The following CPM variants were observed in gnomAD, a reference collection of about 807,000 sequenced individuals.
CPM encodes the protein renal carboxypeptidase.
In CPM, 35 loss-of-function variants were observed where a neutral mutation model predicts 46.4. The observed-to-expected ratio is 0.75, with a 90% CI of 0.58 to 1.00. The LOEUF is 1.00. Among genes scored for constraint, CPM ranks in the 50% least tolerant of loss-of-function variants. The pLI, the probability that CPM is intolerant of heterozygous loss-of-function variation, is 0.00. For missense variants in CPM, 422 were observed against 530.4 expected, an observed-to-expected ratio of 0.80 and a Z score of 2.01; for synonymous variants, 195 against 195.3, an observed-to-expected ratio of 1.00 and a Z score of 0.01.
In CPM at chr12:68,885,879, C is replaced by G. The variant is rs757650398; in HGVS notation, c.171G>C (p.Leu57=). The change falls in exon 3 of 9, where the codon CTG becomes CTC. Residue 57 remains leucine, a synonymous_variant. Transcript: ENST00000551568. The part of the protein sequence containing the change: ...SIGKSVKGRN[L]WVLVVGRFPK... ...GAAACCGCCCCACAACAAGAACCCA[C>G]AGGTTTCTACCTTTACAGGAAAAGA... 2.7e-5 allele frequency: 43 copies of G among 1,613,684 alleles called. No individual in the cohort carries two copies. The highest frequency in any genetic ancestry group is 1.6e-4 in the Middle Eastern group (1 of 6,084).
chr12:68,890,084 G>A (rs1167505111), intron 2 of CPM, among the ~76,000 whole-genome samples: 1 of 152,138 alleles, frequency 6.6e-6, no homozygotes, highest in Non-Finnish European at 1.5e-5. Context: ...CGTGTTTTCT[G>A]TTGGCGCGCT....
chr12:68,904,067 T>C (rs1887235748), intron 2 of CPM, among the ~76,000 whole-genome samples: 1 of 152,060 alleles, frequency 6.6e-6, no homozygotes, highest in Non-Finnish European at 1.5e-5. Context: ...TTTGTAGAGA[T>C]GGGGGTCTCA....
chr12:68,871,079 T>C (rs140576594), intron 4 of CPM, among the ~76,000 whole-genome samples: 1 of 152,326 alleles, frequency 6.6e-6, no homozygotes, highest in African/African-American at 2.4e-5. Flanking sequence ...TATGAATGTA[T>C]ATTAGACATC....
intron 8 of CPM, among the ~76,000 whole-genome samples, chr12:68,858,150 A>G (rs12300655): frequency 0.079 from 12,009 of 152,282 alleles, 1,566 homozygotes; most frequent in African/African-American, 0.27. Flanking sequence ...TCACTACAGA[A>G]GAGATGACTA....
At chr12:68,934,261 A>C (rs908000430), upstream of CPM, among the ~76,000 whole-genome samples, 16 of 152,202 alleles carry the variant, frequency 1.1e-4, no homozygotes, top group Non-Finnish European at 1.5e-5. Context: ...TTACAGACTA[A>C]AAATACGGAT....
intron 2 of CPM, among the ~76,000 whole-genome samples, chr12:68,907,879 A>G (rs1006957076): frequency 6.6e-6 from 1 of 152,030 alleles, no homozygotes; most frequent in African/African-American, 2.4e-5. Flanking sequence ...CCCAAGCTGG[A>G]GTGCAGTGGT....
At chr12:68,887,413 T>A (rs1886480307) in intron 2 of CPM, among the ~76,000 whole-genome samples, 1 of 152,192 alleles carries the variant, frequency 6.6e-6, no homozygotes, top group Non-Finnish European at 1.5e-5. Context: ...GCAGTTGCCA[T>A]CAGGGACTCA....
chr12:68,857,600 G>T (rs948666760), intron 8 of CPM, among the ~76,000 whole-genome samples: 4 of 151,986 alleles, frequency 2.6e-5, no homozygotes, highest in Non-Finnish European at 5.9e-5. Context: ...TGTCTACTGA[G>T]AAATGCTTTT....
At chr12:68,893,272 T>C (rs2136266370) in intron 2 of CPM, among the ~76,000 whole-genome samples, 1 of 152,164 alleles carries the variant, frequency 6.6e-6, no homozygotes, top group East Asian at 1.9e-4. Context: ...GCAAACCACC[T>C]GGCATGCACT....
intron 1 of CPM, among the ~76,000 whole-genome samples, chr12:68,946,458 C>A (rs962574380): frequency 6.6e-6 from 1 of 152,108 alleles, no homozygotes; most frequent in African/African-American, 2.4e-5. Flanking sequence ...TTTGTGCCTG[C>A]AGATACCTGT....
intron 1 of CPM, among the ~76,000 whole-genome samples, chr12:68,959,075 A>C (rs1220736843): frequency 6.6e-6 from 1 of 152,104 alleles, no homozygotes; most frequent in East Asian, 1.9e-4. Context: ...TCTCTGTCTT[A>C]TCTTCGTCAT....
At chr12:68,896,011 C>T (rs1424149128) in intron 2 of CPM, among the ~76,000 whole-genome samples, 3 of 152,208 alleles carry the variant, frequency 2.0e-5, no homozygotes, top group Admixed American at 2.0e-4. Context: ...ATCCCCTCAG[C>T]ATGCACACCA....
In CPM at chr12:68,875,276, G is replaced by A. The variant is rs181604494; in HGVS notation, c.259-3320C>T. On this transcript the variant is annotated intron_variant, in intron 3 of 8. Transcript: ENST00000551568. Reference sequence around the variant, plus strand: ...TGAGGCAGGAGAATCGCTTGAACCTGGGAAGCAGAGGTTGCAGTGAGCCGA... The same window carrying A: ...TGAGGCAGGAGAATCGCTTGAACCTAGGAAGCAGAGGTTGCAGTGAGCCGA... 3.5e-3 allele frequency among the ~76,000 whole-genome samples: 524 copies of A among 151,736 alleles called. 2 individuals carry two copies. Among genetic ancestry groups the A allele is most frequent in the African/African-American group, 0.012 (496 of 41,342 alleles).
chr12:68,894,878 C>A (rs1467081433), intron 2 of CPM, among the ~76,000 whole-genome samples: 3 of 151,892 alleles, frequency 2.0e-5, no homozygotes, highest in East Asian at 3.9e-4. Context: ...ACTAAAAATA[C>A]AAAAATTAGC....
At chr12:68,893,149 C>CAA (rs3046971) in intron 2 of CPM, among the ~76,000 whole-genome samples, 102,896 of 139,172 alleles carry the variant, frequency 0.74, 39,010 homozygotes, top group Non-Finnish European at 0.83. Context: ...CAAAAACTGA[C>CAA]AAAAAAAAAA....
At chr12:68,894,039 C>T (rs1228273934) in intron 2 of CPM, among the ~76,000 whole-genome samples, 3 of 152,076 alleles carry the variant, frequency 2.0e-5, no homozygotes, top group Middle Eastern at 3.2e-3. Context: ...CCAGGGACTA[C>T]CTCATGCTCA....
chr12:68,943,539 T>C (rs1161672884), intron 1 of CPM, among the ~76,000 whole-genome samples: 1 of 152,214 alleles, frequency 6.6e-6, no homozygotes, highest in Non-Finnish European at 1.5e-5. Context: ...AACCATAAAT[T>C]TGTGATAATT....
intron 6 of CPM, among the ~76,000 whole-genome samples, chr12:68,867,456 TACTA>T (rs1352109337): frequency 1.3e-5 from 2 of 152,258 alleles, no homozygotes; most frequent in Non-Finnish European, 2.9e-5. Context: ...TAAATACACT[TACTA>T]AGCAAAGCTA....
chr12:68,859,913 T>A (rs1885135382), intron 7 of CPM, among the ~76,000 whole-genome samples: 1 of 152,174 alleles, frequency 6.6e-6, no homozygotes. Flanking sequence ...TCAAATCATA[T>A]TACCTTAAGG....
Sources: allele counts gnomAD v4.1 joint callset (sites outside exome capture counted in the v4.1 genomes callset), GRCh38; gene constraint gnomAD v4.1.1; transcripts MANE v1.5; gene names NCBI Gene and HGNC (gene_info 2026-07-23, HGNC 2026-07-21).